The following ERBB4 variants were observed in gnomAD, a reference collection of about 807,000 sequenced individuals.
ERBB4 encodes receptor tyrosine-protein kinase erbB-4.
Under a neutral mutation model 158.0 loss-of-function variants are expected in ERBB4, and 42 were observed. The ratio of observed to expected loss-of-function variants is 0.27; its 90% CI spans 0.21 to 0.34. The LOEUF is 0.34. ERBB4 is among the 10% of genes least tolerant of loss of function. The probability of loss-of-function intolerance (pLI) is 1.00; values close to 1 mark genes in which losing one functional copy is unlikely to be tolerated. For missense variants in ERBB4, 1,333 were observed against 1,624.1 expected (o/e 0.82, Z 3.08); for synonymous variants, 583 against 558.7 (o/e 1.04, Z -0.61).
chr2:212,024,263 C>T (rs7574462), intron 2 of ERBB4, among the ~76,000 whole-genome samples: 86,632 of 151,718 alleles, frequency 0.57, 27,049 homozygotes, highest in East Asian at 0.93. Context: ...CTCTGTCCCC[C>T]TTCTTGCTCT....
chr2:212,299,706 GC>G (rs1463852621), intron 1 of ERBB4, among the ~76,000 whole-genome samples: 1 of 151,526 alleles, frequency 6.6e-6, no homozygotes, highest in Admixed American at 6.6e-5. Flanking sequence ...TAAGCAGCAG[GC>G]CCCTGGAAAC....
intron 2 of ERBB4, among the ~76,000 whole-genome samples, chr2:211,973,075 A>T (rs983547230): frequency 2.0e-5 from 3 of 152,220 alleles, no homozygotes; most frequent in Non-Finnish European, 1.5e-5. Flanking sequence ...ATTGACAAGA[A>T]AAAGAAAACA....
chr2:211,785,780 T>C (rs921886916), intron 4 of ERBB4, among the ~76,000 whole-genome samples: 1 of 152,174 alleles, frequency 6.6e-6, no homozygotes. Context: ...AGCATATTAC[T>C]ATATTAGGTA....
rs183280963 is a variant in ERBB4, at chr2:212,060,639, A to T, written c.234+64113T>A. On this transcript the variant is annotated intron_variant, in intron 2 of 27. Coordinates refer to ENST00000342788, the MANE Select transcript of ERBB4 (RefSeq NM_005235.3). ...GCAATACTATGCAGCCATAAAAAAGAATGAGTTCGTGTCCTTTGTAGGGAC... is the reference window on the plus strand; with the variant it reads ...GCAATACTATGCAGCCATAAAAAAGTATGAGTTCGTGTCCTTTGTAGGGAC... Among the ~76,000 whole-genome samples, 42 of 78,446 alleles carry T rather than the reference A, an allele frequency of 5.4e-4. No homozygotes were observed. In the East Asian group the frequency reaches 0.038, roughly 72 times the overall value. 51.5% of individuals were successfully genotyped at this position (78,446 alleles called of 152,430 possible).
chr2:212,376,857 G>A (rs1256265825), intron 1 of ERBB4, among the ~76,000 whole-genome samples: 1 of 151,896 alleles, frequency 6.6e-6, no homozygotes, highest in African/African-American at 2.4e-5. Flanking sequence ...TGAAAGTTTT[G>A]AAGTCCCTTC....
chr2:211,934,140 T>C (rs2080250409), intron 3 of ERBB4, among the ~76,000 whole-genome samples: 1 of 151,920 alleles, frequency 6.6e-6, no homozygotes, highest in South Asian at 2.1e-4. Context: ...AGTCTAATAA[T>C]TATTAAAACT....
At chr2:211,570,532 GA>G (rs71054112) in intron 19 of ERBB4, among the ~76,000 whole-genome samples, 4,046 of 146,158 alleles carry the variant, frequency 0.028, 178 homozygotes, top group African/African-American at 0.095. Flanking sequence ...TCTGGGCAGG[GA>G]AAAAAAAAAG....
chr2:212,479,988 G>A (rs1689605728), intron 1 of ERBB4, among the ~76,000 whole-genome samples: 1 of 151,818 alleles, frequency 6.6e-6, no homozygotes, highest in Admixed American at 6.6e-5. Flanking sequence ...ACAAAAAAAA[G>A]TCCTATACGT....
intron 1 of ERBB4, among the ~76,000 whole-genome samples, chr2:212,264,895 C>T (rs1307883337): frequency 6.6e-6 from 1 of 152,032 alleles, no homozygotes; most frequent in South Asian, 2.1e-4. Flanking sequence ...AATAAATAAA[C>T]TCTGGATAGC....
intron 1 of ERBB4, among the ~76,000 whole-genome samples, chr2:212,137,067 T>C (rs2125596210): frequency 6.6e-6 from 1 of 152,248 alleles, no homozygotes; most frequent in East Asian, 1.9e-4. Context: ...AGAAACTAGA[T>C]TCTATAATCT....
chr2:211,674,525 T>C (rs548630375), intron 13 of ERBB4, among the ~76,000 whole-genome samples: 42 of 152,252 alleles, frequency 2.8e-4, no homozygotes, highest in Non-Finnish European at 4.7e-4. Flanking sequence ...TTGAGTTACA[T>C]GGATTATGCA....
chr2:212,379,482 C>T (rs1305561149), intron 1 of ERBB4, among the ~76,000 whole-genome samples: 1 of 151,550 alleles, frequency 6.6e-6, no homozygotes, highest in Non-Finnish European at 1.5e-5. Flanking sequence ...GAAATAGAGT[C>T]AACATTTGTG....
At chr2:211,724,405 G>A (rs1383620242) in intron 6 of ERBB4, among the ~76,000 whole-genome samples, 9 of 149,766 alleles carry the variant, frequency 6.0e-5, no homozygotes, top group Non-Finnish European at 1.3e-4. Flanking sequence ...GGATATTTGA[G>A]AGAAAAAAAT....
intron 17 of ERBB4, among the ~76,000 whole-genome samples, chr2:211,629,320 C>G (rs1017612178): frequency 6.6e-6 from 1 of 151,822 alleles, no homozygotes; most frequent in African/African-American, 2.4e-5. Flanking sequence ...AATAAAATAC[C>G]TAGGAATCCA....
intron 20 of ERBB4, among the ~76,000 whole-genome samples, chr2:211,506,757 G>A (rs1340123552): frequency 6.6e-6 from 1 of 151,960 alleles, no homozygotes; most frequent in Non-Finnish European, 1.5e-5. Flanking sequence ...CAAAAGTATT[G>A]CTAAGAGGAA....
At chr2:212,339,413 A>G (rs924119054) in intron 1 of ERBB4, among the ~76,000 whole-genome samples, 11 of 152,190 alleles carry the variant, frequency 7.2e-5, no homozygotes, top group Non-Finnish European at 7.3e-5. Context: ...AGTAAATCAT[A>G]TACTCTTGGC....
rs1183537376 is a variant in ERBB4 at position 212,322,553 on chromosome 2, C to T, written c.83-197650G>A. Among the ~76,000 whole-genome samples the T allele has an allele frequency of 3.3e-5, 5 of 150,782 alleles. No individual in the cohort carries two copies. In the East Asian group the frequency reaches 9.7e-4, roughly 29 times the overall value. On this transcript the variant is annotated intron_variant, in intron 1 of 27. Transcript: ENST00000342788. ...CATTTTAGAACTCCTATCACATTCACTGCATGCCAAGTAACTGTTGGGGAA... is the reference window on the plus strand; with the variant it reads ...CATTTTAGAACTCCTATCACATTCATTGCATGCCAAGTAACTGTTGGGGAA...
intron 1 of ERBB4, among the ~76,000 whole-genome samples, chr2:212,445,276 C>G (rs921924621): frequency 6.6e-6 from 1 of 152,008 alleles, no homozygotes; most frequent in Non-Finnish European, 1.5e-5. Context: ...CTCCCATAGC[C>G]AGGATTCACG....
At chr2:212,045,281 G>A (rs377373430) in intron 2 of ERBB4, among the ~76,000 whole-genome samples, 12 of 151,998 alleles carry the variant, frequency 7.9e-5, no homozygotes, top group African/African-American at 2.7e-4. Context: ...CCAACATGGC[G>A]AAATCTGTCT....
Sources: gnomAD v4.1 joint callset for allele counts (sites outside exome capture counted in the v4.1 genomes callset) on GRCh38, gnomAD v4.1.1 for gene constraint, MANE v1.5 for transcripts, NCBI Gene and HGNC (gene_info 2026-07-23, HGNC 2026-07-21) for gene names.